The following RPL23 variants were observed in gnomAD, a reference collection of about 807,000 sequenced individuals.
RPL23 encodes ribosomal protein L23.
For synonymous variants in RPL23, 63 were observed against 65.3 expected (o/e 0.97, Z 0.17); for missense variants, 79 against 178.8 (o/e 0.44, Z 3.18).
In RPL23 at chr17:38,853,701, G is replaced by T. The variant is rs745952283; in HGVS notation, c.10C>A (p.Arg4=). 8 of 1,614,142 alleles carry T rather than the reference G, an allele frequency of 5.0e-6. No individual in the cohort carries two copies. In the South Asian group the frequency reaches 5.5e-5, roughly 11 times the overall value. MSK[R]GRGGSSGAKF... ...TCCTCCAGAAACAAAACCTCACCTC[G>T]CTTCGACATCTTGAACGCCGGAAAA... Residue 4 remains arginine, a synonymous_variant, in exon 1 of 5, where the codon CGA becomes AGA. Transcript: ENST00000479035.
Position 38,849,983 on chromosome 17 carries a change from C to T in RPL23, c.*149G>A, listed in dbSNP as rs530681912. 6.4e-5 allele frequency: 37 copies of T among 576,632 alleles called. No individual in the cohort carries two copies. The highest frequency in any genetic ancestry group is 4.6e-4 in the South Asian group (19 of 41,416). 35.7% of individuals were successfully genotyped at this position (576,632 alleles called of 1,614,324 possible). On this transcript the variant is annotated 3_prime_UTR_variant, in exon 5 of 5. Transcript: ENST00000479035. Reference sequence around the variant, plus strand: ...AAATACAAAAACTAGCCAGGCATGACGGCAGGTGCCTGTAATCCCAGCTAC... The same window carrying T: ...AAATACAAAAACTAGCCAGGCATGATGGCAGGTGCCTGTAATCCCAGCTAC...
Position 38,850,090 on chromosome 17 carries a change from G to A in RPL23, c.*42C>T, listed in dbSNP as rs1452162983. ...CACTGCAAACAAATACTTTTTAATG[G>A]GTTTAGTTTTTTTTTTTATTTTTTA... is the stretch of plus-strand genomic sequence containing the variant. On this transcript the variant is annotated 3_prime_UTR_variant, in exon 5 of 5. Coordinates refer to ENST00000479035, the MANE Select transcript of RPL23 (RefSeq NM_000978.4). 7.3e-7 allele frequency: 1 copy of A among 1,364,762 alleles called. No individual in the cohort carries two copies. Among genetic ancestry groups the A allele is most frequent in the African/African-American group, 2.1e-5 (1 of 48,362 alleles). 84.5% of individuals were successfully genotyped at this position (1,364,762 alleles called of 1,614,324 possible).
intron 1 of RPL23, 186 bp downstream of exon 1, chr17:38,853,512 T>C (rs149536267): frequency 9.4e-6 from 7 of 744,904 alleles, no homozygotes; most frequent in Non-Finnish European, 1.7e-5. Context: ...GATCCTGCCA[T>C]CTCAACTCTC....
At chr17:38,852,828 C>G in intron 2 of RPL23, 96 bp from the exon 3 acceptor site, 1 of 1,555,350 alleles carries the variant, frequency 6.4e-7, no homozygotes, top group Non-Finnish European at 8.9e-7. Context: ...GCCCCTCCCT[C>G]CACTCACTGC....
In RPL23 at chr17:38,850,119, A is replaced by T; in HGVS notation, c.*13T>A. On this transcript the variant is annotated 3_prime_UTR_variant, in exon 5 of 5. Coordinates refer to ENST00000479035, the MANE Select transcript of RPL23 (RefSeq NM_000978.4). ...TAGTTTTTTTTTTTATTTTTTACAAATATACTGGAGAATCATGCAATGCTG... is the reference window on the plus strand; with the variant it reads ...TAGTTTTTTTTTTTATTTTTTACAATTATACTGGAGAATCATGCAATGCTG... 6.4e-7 allele frequency: 1 copy of T among 1,564,228 alleles called. No homozygotes were observed. The highest frequency in any genetic ancestry group is 8.7e-7 in the Non-Finnish European group (1 of 1,155,564).
At position 38,852,649 on chromosome 17, in the gene RPL23, C is replaced by G; in HGVS notation, c.181G>C (p.Val61Leu). 6.2e-7 allele frequency: 1 copy of G among 1,613,184 alleles called. No individual in the cohort carries two copies. The highest frequency in any genetic ancestry group is 8.5e-7 in the Non-Finnish European group (1 of 1,180,038). ...RLPAAGVGDM[V>L]MATVKKGKPE... The stretch of plus-strand genomic sequence containing the variant: ...TTGCCTTTCTTGACTGTGGCCATCA[C>G]CATGTCACCCACACCAGCAGCGGGA... Residue 61 changes from valine (V) to leucine (L), a missense_variant, in exon 3 of 5, where the codon GTG (valine) becomes CTG (leucine). Transcript: ENST00000479035.
chr17:38,850,045 G>T lies in RPL23; in HGVS notation c.*87C>A. ...AGGCAGGAGAATCGCTTGAACCCTG[G>T]AAGTGAACAGGGAGACAAGCACTGC... On this transcript the variant is annotated 3_prime_UTR_variant, in exon 5 of 5. Transcript: ENST00000479035. 1.0e-6 allele frequency: 1 copy of T among 983,306 alleles called. No individual in the cohort carries two copies. Among genetic ancestry groups the T allele is most frequent in the African/African-American group, 1.7e-5 (1 of 59,744 alleles). 60.9% of individuals were successfully genotyped at this position (983,306 alleles called of 1,614,324 possible).
In RPL23 at chr17:38,848,143, A is replaced by G. The variant is rs938862268; in HGVS notation, c.*1989T>C. ...ATATATTGCCATAATATATAAAGAC[A>G]TAAATGGTGGGCCTAGGGGCTTGTC... is the stretch of plus-strand genomic sequence containing the variant. On this transcript the variant is annotated 3_prime_UTR_variant, in exon 5 of 5. Coordinates refer to ENST00000479035, the MANE Select transcript of RPL23 (RefSeq NM_000978.4). 19 of 1,371,692 alleles carry G rather than the reference A, an allele frequency of 1.4e-5. No homozygotes were observed. The African/African-American group carries it at 2.5e-4, about 18-fold the overall frequency. The allele number at this position is 1,371,692 out of a possible 1,614,324, so 85.0% of individuals were successfully genotyped here. A position where few individuals can be genotyped will look rare whatever the true frequency, so the allele number is the denominator to read the frequency against.
At chr17:38,852,504 G>C (rs1408590324) in intron 3 of RPL23, 100 bp downstream of exon 3, 12 of 1,484,434 alleles carry the variant, frequency 8.1e-6, no homozygotes, top group Non-Finnish European at 1.1e-5. Flanking sequence ...CCTCTCAATG[G>C]AAAACAAACT....
Position 38,853,282 on chromosome 17 carries a change from G to A in RPL23, c.14-177C>T, listed in dbSNP as rs1011617449. On this transcript the variant is annotated intron_variant, in intron 1 of 4. Coordinates refer to ENST00000479035, the MANE Select transcript of RPL23 (RefSeq NM_000978.4). ...CCCCATGTGCCACCCGATTCTCACG[G>A]AAAGTAGCCTATTTCTTACTATTAA... 70 of 652,370 alleles carry A rather than the reference G, an allele frequency of 1.1e-4. 1 individual carries two copies. The highest frequency in any genetic ancestry group is 1.0e-3 in the Middle Eastern group (4 of 3,996). 40.4% of individuals were successfully genotyped at this position (652,370 alleles called of 1,614,324 possible). A position where few individuals can be genotyped will look rare whatever the true frequency, so the allele number is the denominator to read the frequency against.
chr17:38,853,332 C>G lies in RPL23; in HGVS notation c.14-227G>C, dbSNP rs116204671. ...ACACTCTGACATCGAAATTAAGAAA[C>G]CTAGACGACTCAACCCTTGCTCTAA... On this transcript the variant is annotated intron_variant, in intron 1 of 4. Transcript: ENST00000479035. 622 of 670,152 alleles carry G rather than the reference C, an allele frequency of 9.3e-4. 5 individuals are homozygous for G. In the African/African-American group the frequency reaches 9.5e-3, roughly 10 times the overall value. 41.5% of individuals were successfully genotyped at this position (670,152 alleles called of 1,614,324 possible). A position where few individuals can be genotyped will look rare whatever the true frequency, so the allele number is the denominator to read the frequency against.
chr17:38,850,729 G>C, intron 3 of RPL23: 1 of 400,434 alleles, frequency 2.5e-6, no homozygotes, highest in Non-Finnish European at 4.5e-6. Flanking sequence ...GCCTCCCAAA[G>C]TGCTGGGAGT....
intron 3 of RPL23, chr17:38,851,927 A>T (rs966671056): frequency 6.6e-6 from 1 of 152,230 alleles, no homozygotes; most frequent in Non-Finnish European, 1.5e-5. Context: ...AAAAAGTGCA[A>T]GCGCTGAAGT....
At chr17:38,850,300 G>C (rs1262889534) in intron 4 of RPL23, 62 bp downstream of exon 4, 1 of 1,557,034 alleles carries the variant, frequency 6.4e-7, no homozygotes, top group African/African-American at 1.4e-5. Context: ...TCCTTGGCCT[G>C]TACTTCTAGA....
rs1242191726 is a variant in RPL23 at position 38,849,393 on chromosome 17, CTGGA to C, written c.*735_*738del. ...ACGGAATCTTGCTCCGTTGCCCAGG[CTGGA>C]TGGAGTACAATGGTGCAATCTCGAC... On this transcript the variant is annotated 3_prime_UTR_variant, in exon 5 of 5. Coordinates refer to ENST00000479035, the MANE Select transcript of RPL23 (RefSeq NM_000978.4). 2.0e-5 allele frequency: 3 copies of C among 152,158 alleles called. No individual in the cohort carries two copies. Among genetic ancestry groups the C allele is most frequent in the Non-Finnish European group, 2.9e-5 (2 of 68,092 alleles). The allele number at this position is 152,158 out of a possible 1,614,324, so 9.4% of individuals were successfully genotyped here.
rs747379578 is a variant in RPL23, at chr17:38,853,673, G to A, written c.13+25C>T. The A allele has an allele frequency of 4.3e-6, 7 of 1,613,982 alleles. No homozygotes were observed. The East Asian group carries it at 6.7e-5, about 15-fold the overall frequency. On this transcript the variant is annotated intron_variant, in intron 1 of 4. Coordinates refer to ENST00000479035, the MANE Select transcript of RPL23 (RefSeq NM_000978.4). The stretch of plus-strand genomic sequence containing the variant: ...CAGCCACTGCACGACAGATGGTGGA[G>A]GATCCTCCAGAAACAAAACCTCACC...
rs976669449 is a variant in RPL23, at chr17:38,848,200, C to T, written c.*1932G>A. The T allele has an allele frequency of 2.0e-5, 19 of 931,562 alleles. No homozygotes were observed. Among genetic ancestry groups the T allele is most frequent in the Non-Finnish European group, 2.7e-5 (19 of 691,408 alleles). The allele number at this position is 931,562 out of a possible 1,614,324, so 57.7% of individuals were successfully genotyped here. On this transcript the variant is annotated 3_prime_UTR_variant, in exon 5 of 5. Transcript: ENST00000479035. Reference sequence around the variant, plus strand: ...AAGCTGACTTGAAATTGACCATACTCAGGGATGTTATGGTGTAACTCTCTA... The same window carrying T: ...AAGCTGACTTGAAATTGACCATACTTAGGGATGTTATGGTGTAACTCTCTA...
chr17:38,848,254 T>C lies in RPL23; in HGVS notation c.*1878A>G, dbSNP rs1345260149. 3.3e-6 allele frequency: 2 copies of C among 606,916 alleles called. No individual in the cohort carries two copies. The allele number at this position is 606,916 out of a possible 1,614,324, so 37.6% of individuals were successfully genotyped here. Reference sequence around the variant, plus strand: ...CTAGAGATTTAATACATTTTTTTTCTTTCCCCCCAGAGTTTCACTGGTTGC... The same window carrying C: ...CTAGAGATTTAATACATTTTTTTTCCTTCCCCCCAGAGTTTCACTGGTTGC... On this transcript the variant is annotated 3_prime_UTR_variant, in exon 5 of 5. Coordinates refer to ENST00000479035, the MANE Select transcript of RPL23 (RefSeq NM_000978.4).
Position 38,847,977 on chromosome 17 carries a change from G to A in RPL23, c.*2155C>T, listed in dbSNP as rs536463423. On this transcript the variant is annotated 3_prime_UTR_variant, in exon 5 of 5. Transcript: ENST00000479035. ...TGCAGCCCTTTGAAGGCCACAGCAG[G>A]AGGATTCCAAGTCCAGCAGTTCAAA... is the stretch of plus-strand genomic sequence containing the variant. 3.4e-4 allele frequency: 530 copies of A among 1,550,156 alleles called. No homozygotes were observed. The highest frequency in any genetic ancestry group is 3.6e-4 in the Non-Finnish European group (418 of 1,146,812).
Sources: gnomAD v4.1 joint callset for allele counts on GRCh38, gnomAD v4.1.1 for gene constraint, MANE v1.5 for transcripts, NCBI Gene and HGNC (gene_info 2026-07-23, HGNC 2026-07-21) for gene names.